Variants in CALD1 observed in about 807,000 individuals in gnomAD.
CALD1 encodes caldesmon.
In CALD1, 33 loss-of-function variants were observed where a neutral mutation model predicts 99.9. The observed-to-expected ratio is 0.33, with a 90% CI of 0.25 to 0.44. The LOEUF is 0.44. Ranked by LOEUF, CALD1 falls within the 20% of genes least tolerant of loss-of-function variation. The pLI is 1.00. For missense variants in CALD1, 861 were observed against 962.1 expected, an observed-to-expected ratio of 0.89 and a Z score of 1.39; for synonymous variants, 310 against 325.0, an observed-to-expected ratio of 0.95 and a Z score of 0.50.
At chr7:134,892,702 A>G (rs1802293567) in intron 3 of CALD1, among the ~76,000 whole-genome samples, 1 of 152,238 alleles carries the variant, frequency 6.6e-6, no homozygotes, top group Non-Finnish European at 1.5e-5. Flanking sequence ...CGTTATCTGT[A>G]TAGTCCAGTG....
At chr7:134,755,264 G>C (rs926661370) in intron 1 of CALD1, among the ~76,000 whole-genome samples, 1 of 152,192 alleles carries the variant, frequency 6.6e-6, no homozygotes, top group East Asian at 1.9e-4. Flanking sequence ...GCCTCCCAAA[G>C]TGCTGGGATT....
At position 134,968,569 on chromosome 7, in the gene CALD1, G is replaced by A. The variant is rs1337718263; in HGVS notation, c.*224G>A. The A allele has an allele frequency of 4.3e-6, 3 of 698,774 alleles. No homozygotes were observed. In the East Asian group the frequency reaches 8.2e-5, roughly 19 times the overall value. 43.3% of individuals were successfully genotyped at this position (698,774 alleles called of 1,614,324 possible). A position where few individuals can be genotyped will look rare whatever the true frequency, so the allele number is the denominator to read the frequency against. On this transcript the variant is annotated 3_prime_UTR_variant, in exon 15 of 15. Transcript: ENST00000361675. ...CTTTGCACAGGAGCCTGTTTCTAAA[G>A]AAACCCATGCTGTGAAATAGAGACT... is the stretch of plus-strand genomic sequence containing the variant.
chr7:134,826,545 G>C (rs1799002899), intron 1 of CALD1, among the ~76,000 whole-genome samples: 2 of 152,148 alleles, frequency 1.3e-5, no homozygotes, highest in Admixed American at 1.3e-4. Flanking sequence ...CACAAAGCAA[G>C]TTAGTAGTGT....
intron 2 of CALD1, among the ~76,000 whole-genome samples, chr7:134,859,400 G>A (rs1477170396): frequency 1.3e-5 from 2 of 152,112 alleles, no homozygotes; most frequent in African/African-American, 4.8e-5. Flanking sequence ...CTTCTCTAGT[G>A]GCCAATAGAG....
At chr7:134,820,964 G>T (rs1051440719) in intron 1 of CALD1, among the ~76,000 whole-genome samples, 4 of 151,964 alleles carry the variant, frequency 2.6e-5, no homozygotes, top group Non-Finnish European at 5.9e-5. Flanking sequence ...GAGGGGAGGA[G>T]AAAAATGATG....
At chr7:134,762,000 C>T (rs1398467733) in intron 1 of CALD1, among the ~76,000 whole-genome samples, 1 of 152,134 alleles carries the variant, frequency 6.6e-6, no homozygotes, top group Non-Finnish European at 1.5e-5. Flanking sequence ...GTGAGTTTCC[C>T]AAGGGAAGAA....
At chr7:134,882,216 G>C (rs536469977) in intron 3 of CALD1, among the ~76,000 whole-genome samples, 1 of 152,300 alleles carries the variant, frequency 6.6e-6, no homozygotes, top group South Asian at 2.1e-4. Flanking sequence ...GACACTCGTT[G>C]TGTCTTCTAA....
At chr7:134,888,999 C>T (rs779038742) in intron 3 of CALD1, among the ~76,000 whole-genome samples, 4 of 152,094 alleles carry the variant, frequency 2.6e-5, no homozygotes, top group Non-Finnish European at 1.5e-5. Flanking sequence ...TAGGTTTTTC[C>T]ATTTTATGAA....
intron 8 of CALD1, chr7:134,948,008 T>C (rs1002492638): frequency 3.9e-5 from 16 of 406,730 alleles, no homozygotes; most frequent in African/African-American, 2.6e-4. Context: ...AGAGAGGTTT[T>C]GTTTTTGTTT....
At position 134,933,452 on chromosome 7, in the gene CALD1, T is replaced by TA. The variant is rs1805696884; in HGVS notation, c.689dup (p.Asn230LysfsTer10). ...CAGGAGGAAACAGTGGTAATGTCAT[T>TA]AAAAAATGGGCAGATCAGTTCAGAA... is the stretch of plus-strand genomic sequence containing the variant. On this transcript the variant is annotated frameshift_variant, in exon 5 of 15. Coordinates refer to ENST00000361675, the MANE Select transcript of CALD1 (RefSeq NM_033138.4). LOFTEE classifies it high-confidence loss of function. The TA allele has an allele frequency of 6.2e-7, 1 of 1,613,522 alleles. No individual in the cohort carries two copies. The highest frequency in any genetic ancestry group is 8.5e-7 in the Non-Finnish European group (1 of 1,179,876).
At chr7:134,866,551 AATTT>A (rs1800808211) in intron 2 of CALD1, among the ~76,000 whole-genome samples, 1 of 152,116 alleles carries the variant, frequency 6.6e-6, no homozygotes, top group East Asian at 1.9e-4. Context: ...ATAATTGGAC[AATTT>A]ATTTAAGAAG....
At chr7:134,725,210 GC>G in the CALD1 span, among the ~76,000 whole-genome samples, 2 of 152,076 alleles carry the variant, frequency 1.3e-5, no homozygotes, top group African/African-American at 4.8e-5. Flanking sequence ...TCTATTCAAG[GC>G]CTCAAAGTAA....
Position 134,921,798 on chromosome 7 carries a change from AAAAAC to A in CALD1, c.72-6930_72-6926del, listed in dbSNP as rs199982116. 2.4e-4 allele frequency among the ~76,000 whole-genome samples: 37 copies of A among 152,280 alleles called. No individual in the cohort carries two copies. In the East Asian group the frequency reaches 4.1e-3, roughly 17 times the overall value. On this transcript the variant is annotated intron_variant, in intron 3 of 14. Coordinates refer to ENST00000361675, the MANE Select transcript of CALD1 (RefSeq NM_033138.4). ...TGCACTCCAGTGAGATTCTGTCTCA[AAAAAC>A]AAAACAAAACAAAACAAAACAAAAC...
chr7:134,799,815 A>G (rs1435958753), intron 1 of CALD1, among the ~76,000 whole-genome samples: 1 of 152,004 alleles, frequency 6.6e-6, no homozygotes, highest in Non-Finnish European at 1.5e-5. Flanking sequence ...TCCCCCTTGC[A>G]CACAGAGGGG....
At chr7:134,891,839 C>T (rs940669646) in intron 3 of CALD1, among the ~76,000 whole-genome samples, 10 of 150,580 alleles carry the variant, frequency 6.6e-5, no homozygotes, top group Admixed American at 5.3e-4. Flanking sequence ...GAGTTTCAGA[C>T]CTGTCTGAAA....
At chr7:134,714,330 T>A in the CALD1 span, among the ~76,000 whole-genome samples, 2 of 152,286 alleles carry the variant, frequency 1.3e-5, no homozygotes, top group African/African-American at 4.8e-5. Context: ...AACATGCAGA[T>A]CCATATTGTA....
At chr7:134,945,735 G>C (rs1357255119) in intron 7 of CALD1, among the ~76,000 whole-genome samples, 1 of 152,206 alleles carries the variant, frequency 6.6e-6, no homozygotes, top group Non-Finnish European at 1.5e-5. Context: ...TCTGTATAAG[G>C]AGTATTCCAG....
chr7:134,959,610 T>C (rs996730131), intron 11 of CALD1, among the ~76,000 whole-genome samples: 5 of 152,020 alleles, frequency 3.3e-5, no homozygotes, highest in Non-Finnish European at 5.9e-5. Context: ...GTCGTGGCTG[T>C]AGTGAGCCTT....
intron 1 of CALD1, among the ~76,000 whole-genome samples, chr7:134,837,707 G>C (rs1799501355): frequency 1.3e-5 from 2 of 152,134 alleles, no homozygotes; most frequent in Admixed American, 1.3e-4. Context: ...TGCTTGGTAT[G>C]GAGTGATTGA....
Sources: gnomAD v4.1 joint callset for allele counts (sites outside exome capture counted in the v4.1 genomes callset) on GRCh38, gnomAD v4.1.1 for gene constraint, MANE v1.5 for transcripts, NCBI Gene and HGNC (gene_info 2026-07-23, HGNC 2026-07-21) for gene names.